Variants in SYT3 observed in about 807,000 individuals in gnomAD.
SYT3 encodes the protein synaptotagmin-3.
Under a neutral mutation model 50.6 loss-of-function variants are expected in SYT3, and 25 were observed. That is an observed-to-expected ratio of 0.49 (90% confidence interval 0.36 to 0.69). SYT3 has a LOEUF of 0.69. SYT3 is among the 30% of genes least tolerant of loss of function. The pLI, the probability that SYT3 is intolerant of heterozygous loss-of-function variation, is 0.00. For synonymous variants in SYT3, 323 were observed against 353.9 expected (o/e 0.91, Z 0.98); for missense variants, 589 against 793.6 (o/e 0.74, Z 3.10).
intron 6 of SYT3, among the ~76,000 whole-genome samples, chr19:50,627,393 C>G (rs1377269447): frequency 2.6e-5 from 4 of 152,098 alleles, no homozygotes; most frequent in Non-Finnish European, 5.9e-5. Flanking sequence ...CCTGGGGTCC[C>G]CAGGCCCTGC....
At chr19:50,642,558 G>T (rs1006265213), upstream of SYT3, among the ~76,000 whole-genome samples, 2 of 152,266 alleles carry the variant, frequency 1.3e-5, no homozygotes, top group African/African-American at 4.8e-5. Context: ...CTCTGGCTGG[G>T]TGCAGTGGCA....
chr19:50,644,654 G>A (rs1321613638), upstream of SYT3, among the ~76,000 whole-genome samples: 1 of 152,090 alleles, frequency 6.6e-6, no homozygotes, highest in Admixed American at 6.6e-5. Context: ...TGGATGGGTG[G>A]ATGGATGTTG....
At chr19:50,638,201 G>A (rs1568417745) in intron 2 of SYT3, among the ~76,000 whole-genome samples, 1 of 152,186 alleles carries the variant, frequency 6.6e-6, no homozygotes, top group East Asian at 1.9e-4. Flanking sequence ...CATGGAGCCA[G>A]CCACAGGCGG....
At chr19:50,641,151 A>T, upstream of SYT3, among the ~76,000 whole-genome samples, 1 of 138,520 alleles carries the variant, frequency 7.2e-6, no homozygotes. Flanking sequence ...AGGTGGGAGG[A>T]TTGCTGGAGC....
Position 50,625,341 on chromosome 19 carries a change from T to C in SYT3, c.1575-47A>G. 1.3e-6 allele frequency: 2 copies of C among 1,536,860 alleles called. No homozygotes were observed. The highest frequency in any genetic ancestry group is 1.4e-5 in the African/African-American group (1 of 72,768). ...GACCGTGGAGGGTGGTGGGAGGGCC[T>C]GTCCCCACCCCAGCCCTCCTGCCTG... On this transcript the variant is annotated intron_variant, in intron 8 of 10. Transcript: ENST00000600079. The surrounding 1 kb of genome is among the most constrained non-coding windows in gnomAD (Gnocchi z 7.5).
the SYT3 span, chr19:50,649,304 T>G: frequency 1.3e-6 from 1 of 794,378 alleles, no homozygotes; most frequent in Non-Finnish European, 2.1e-6. Context: ...GTCTCAGCCT[T>G]CCAGTTCCTC....
chr19:50,635,010 A>T (rs1984450325), intron 3 of SYT3, among the ~76,000 whole-genome samples: 1 of 152,044 alleles, frequency 6.6e-6, no homozygotes, highest in African/African-American at 2.4e-5. Context: ...TCCTGGGTTG[A>T]TGCCGTTCTC....
chr19:50,628,257 C>A (rs1984147898), intron 6 of SYT3, among the ~76,000 whole-genome samples: 1 of 151,904 alleles, frequency 6.6e-6, no homozygotes, highest in Non-Finnish European at 1.5e-5. Context: ...AGTTGAGGAT[C>A]TGAGATTTGG....
At chr19:50,636,051 G>C (rs538242451) in intron 3 of SYT3, among the ~76,000 whole-genome samples, 1 of 152,106 alleles carries the variant, frequency 6.6e-6, no homozygotes, top group South Asian at 2.1e-4. Context: ...TCAGGAGTTC[G>C]AGACCAGCCT....
At position 50,632,404 on chromosome 19, in the gene SYT3, G is replaced by C; in HGVS notation, c.556C>G (p.Pro186Ala). 6.2e-7 allele frequency: 1 copy of C among 1,613,806 alleles called. No individual in the cohort carries two copies. The highest frequency in any genetic ancestry group is 1.1e-5 in the South Asian group (1 of 91,082). The change falls in exon 4 of 11, where the codon CCT becomes GCT. Residue 186 changes from proline (P) to alanine (A), a missense_variant. Coordinates refer to ENST00000600079, the MANE Select transcript of SYT3 (RefSeq NM_001160329.2). This position sits in a 1 kb window ranked among gnomAD's most constrained non-coding sequence, Gnocchi z 4.7. ...AAGVKPSQTS[P>A]ELPSEGGAGS... ...GCTCCCCCCTCAGAGGGCAGCTCAG[G>C]GGATGTTTGGCTCGGTTTGACCCCA...
At chr19:50,627,965 G>C (rs1489899210) in intron 6 of SYT3, among the ~76,000 whole-genome samples, 1 of 152,236 alleles carries the variant, frequency 6.6e-6, no homozygotes, top group Non-Finnish European at 1.5e-5. Context: ...CAATCTCAAA[G>C]GCTGGGCTTG....
intron 6 of SYT3, among the ~76,000 whole-genome samples, chr19:50,627,684 G>A (rs555558423): frequency 2.2e-4 from 33 of 147,478 alleles, no homozygotes; most frequent in African/African-American, 7.4e-4. Context: ...CTGAGATTGC[G>A]CCACTGTACT....
intron 3 of SYT3, among the ~76,000 whole-genome samples, chr19:50,633,119 C>A (rs1984380004): frequency 6.6e-6 from 1 of 152,110 alleles, no homozygotes; most frequent in African/African-American, 2.4e-5. Flanking sequence ...GAAGCTGGAA[C>A]TACAGGTATG....
In SYT3 at chr19:50,629,242, G is replaced by C. The variant is rs1007871243; in HGVS notation, c.1281+52C>G. On this transcript the variant is annotated intron_variant, in intron 6 of 10. Coordinates refer to ENST00000600079, the MANE Select transcript of SYT3 (RefSeq NM_001160329.2). ...TCTGAGGGCAGGGGGCTTGCAACCC[G>C]GGGGGTCTCAGGGCCCTGGGAAGGG... The C allele has an allele frequency of 2.8e-5, 40 of 1,448,762 alleles. No homozygotes were observed. The African/African-American group carries it at 5.2e-4, about 19-fold the overall frequency. The allele number at this position is 1,448,762 out of a possible 1,614,324, so 89.7% of individuals were successfully genotyped here.
At chr19:50,641,325 G>A (rs1233092403), upstream of SYT3, among the ~76,000 whole-genome samples, 1 of 150,884 alleles carries the variant, frequency 6.6e-6, no homozygotes, top group Non-Finnish European at 1.5e-5. Flanking sequence ...GACTACAGGC[G>A]CCTGCCACCG....
rs1157842471 is a variant in SYT3 at position 50,637,376 on chromosome 19, C to T, written c.36G>A (p.Arg12=). 2.5e-6 allele frequency: 4 copies of T among 1,609,234 alleles called. No individual in the cohort carries two copies. The highest frequency in any genetic ancestry group is 3.4e-6 in the Non-Finnish European group (4 of 1,177,904). ...AGAGGTCCGAGACCAGGATGAGTGC[C>T]CGCCGGCAGAGGTCATCCTCGTAGT... ...SGDYEDDLCR[R]ALILVSDLCA... is the part of the protein sequence containing the mutation. Residue 12 remains arginine (R), a synonymous_variant, in exon 3 of 11, where the codon CGG becomes CGA. Transcript: ENST00000600079. This position sits in a 1 kb window ranked among gnomAD's most constrained non-coding sequence, Gnocchi z 4.9.
At chr19:50,628,363 AG>A (rs1302830887) in intron 6 of SYT3, among the ~76,000 whole-genome samples, 1 of 152,158 alleles carries the variant, frequency 6.6e-6, no homozygotes, top group Non-Finnish European at 1.5e-5. Flanking sequence ...ACCAGAGGGC[AG>A]GGGTCGCAAG....
At chr19:50,633,317 C>T (rs1010860466) in intron 3 of SYT3, among the ~76,000 whole-genome samples, 1 of 152,198 alleles carries the variant, frequency 6.6e-6, no homozygotes, top group Admixed American at 6.5e-5. Flanking sequence ...GATGAGGAAA[C>T]TGAGACACAG....
the SYT3 span, among the ~76,000 whole-genome samples, chr19:50,647,626 C>T: frequency 4.6e-5 from 7 of 152,000 alleles, no homozygotes; most frequent in Non-Finnish European, 8.8e-5. Flanking sequence ...GCTGTTATAC[C>T]GCTGCACTCC....
Sources: gnomAD v4.1 joint callset for allele counts (sites outside exome capture counted in the v4.1 genomes callset) on GRCh38, gnomAD v4.1.1 for gene constraint, Gnocchi (gnomAD v3.1) non-coding constraint, MANE v1.5 for transcripts, NCBI Gene and HGNC (gene_info 2026-07-23, HGNC 2026-07-21) for gene names.